The following RBFOX1 variants were observed in gnomAD, a reference collection of about 807,000 sequenced individuals.
RBFOX1 encodes RNA binding protein fox-1 homolog 1.
RBFOX1 carries 8 observed loss-of-function variants against 57.7 expected under a neutral mutation model. That is an observed-to-expected ratio of 0.14 (90% CI 0.08 to 0.25). The LOEUF is 0.25. Ranked by LOEUF, RBFOX1 falls within the 10% of genes least tolerant of loss-of-function variation. The probability of loss-of-function intolerance (pLI) is 1.00; values close to 1 mark genes in which losing one functional copy is unlikely to be tolerated. For synonymous variants in RBFOX1, 326 were observed against 222.4 expected, an observed-to-expected ratio of 1.47 and a Z score of -4.15; for missense variants, 611 against 548.5, an observed-to-expected ratio of 1.11 and a Z score of -1.14.
At position 6,019,503 on chromosome 16, in the gene RBFOX1, C is replaced by A; in HGVS notation, c.-616C>A. On this transcript the variant is annotated 5_prime_UTR_variant, in exon 1 of 16. Coordinates refer to ENST00000550418, the MANE Select transcript of RBFOX1 (RefSeq NM_018723.4). The surrounding 1 kb of genome is among the most constrained non-coding windows in gnomAD (Gnocchi z 4.2). ...CCCCTCCGCCCCAGCCCCCCAGCAG[C>A]ACCCGCGGTGGGGCGGGGGCGCTCT... is the stretch of plus-strand genomic sequence containing the variant. The A allele has an allele frequency of 9.7e-7, 1 of 1,029,656 alleles. No homozygotes were observed. Among genetic ancestry groups the A allele is most frequent in the Non-Finnish European group, 1.2e-6 (1 of 858,822 alleles). 63.8% of individuals were successfully genotyped at this position (1,029,656 alleles called of 1,614,324 possible).
At chr16:7,504,743 A>ATATATATT (rs1197181816) in intron 4 of RBFOX1, among the ~76,000 whole-genome samples, 3,529 of 14,676 alleles carry the variant, frequency 0.24, 277 homozygotes, top group Non-Finnish European at 0.35. Context: ...ATATATATAT[A>ATATATATT]TATATATATA....
At position 7,155,744 on chromosome 16, in the gene RBFOX1, C is replaced by T. The variant is rs1200218025; in HGVS notation, c.27+103646C>T. On this transcript the variant is annotated intron_variant, in intron 4 of 15. Coordinates refer to ENST00000550418, the MANE Select transcript of RBFOX1 (RefSeq NM_018723.4). ...ATATATATATATATATATATACACA[C>T]ACACACACACACACACACACATATA... 3.1e-3 allele frequency among the ~76,000 whole-genome samples: 402 copies of T among 131,352 alleles called. 2 individuals are homozygous for T. The highest frequency in any genetic ancestry group is 0.012 in the African/African-American group (384 of 32,428). 86.2% of individuals were successfully genotyped at this position (131,352 alleles called of 152,430 possible). A position where few individuals can be genotyped will look rare whatever the true frequency, so the allele number is the denominator to read the frequency against.
At chr16:5,355,404 G>A (rs1596634531) in intron 1 of RBFOX1, among the ~76,000 whole-genome samples, 1 of 152,182 alleles carries the variant, frequency 6.6e-6, no homozygotes, top group East Asian at 1.9e-4. Context: ...TCTGCATCGT[G>A]AAGCCTGAGG....
At chr16:6,633,944 G>A (rs1341692946) in intron 2 of RBFOX1, among the ~76,000 whole-genome samples, 1 of 152,104 alleles carries the variant, frequency 6.6e-6, no homozygotes, top group Non-Finnish European at 1.5e-5. Context: ...GAGGCCAGGG[G>A]GTGGAGGCTA....
intron 2 of RBFOX1, among the ~76,000 whole-genome samples, chr16:6,465,885 T>TGTGTGTGA (rs1491504035): frequency 4.1e-5 from 1 of 24,554 alleles, no homozygotes; most frequent in Non-Finnish European, 8.3e-5. Context: ...TTTGTGTGTT[T>TGTGTGTGA]GTGTGTGTGT....
At position 7,495,406 on chromosome 16, in the gene RBFOX1, A is replaced by G. The variant is rs534182906; in HGVS notation, c.28-22741A>G. 2.0e-5 allele frequency among the ~76,000 whole-genome samples: 3 copies of G among 152,316 alleles called. No homozygotes were observed. In the East Asian group the frequency reaches 5.8e-4, roughly 29 times the overall value. The stretch of plus-strand genomic sequence containing the variant: ...GAGAAATACTCAAACAGCTTTCCAC[A>G]GTGGCTGAACTAATTTTACACACCC... On this transcript the variant is annotated intron_variant, in intron 4 of 15. Transcript: ENST00000550418.
At chr16:7,671,815 C>T (rs1434858949) in intron 13 of RBFOX1, among the ~76,000 whole-genome samples, 1 of 152,214 alleles carries the variant, frequency 6.6e-6, no homozygotes, top group Non-Finnish European at 1.5e-5. Flanking sequence ...GTGGCAGTTT[C>T]TTCCAAATAT....
chr16:5,709,772 A>T (rs36184663), intron 3 of RBFOX1, among the ~76,000 whole-genome samples: 61,288 of 114,588 alleles, frequency 0.53, 19,533 homozygotes, highest in Non-Finnish European at 0.71. Context: ...CCCATTTATG[A>T]AGCCACTGTA....
chr16:7,076,785 G>A lies in RBFOX1; in HGVS notation c.27+24687G>A, dbSNP rs1010052381. On this transcript the variant is annotated intron_variant, in intron 4 of 15. Coordinates refer to ENST00000550418, the MANE Select transcript of RBFOX1 (RefSeq NM_018723.4). Reference sequence around the variant, plus strand: ...GACCAGTTTAAACTTCCATTCCAATGTCATGGTTTATATGCCCACTCATAT... The same window carrying A: ...GACCAGTTTAAACTTCCATTCCAATATCATGGTTTATATGCCCACTCATAT... Among the ~76,000 whole-genome samples, 14 of 152,152 alleles carry A rather than the reference G, an allele frequency of 9.2e-5. 1 individual carries two copies. Among genetic ancestry groups the A allele is most frequent in the African/African-American group, 3.4e-4 (14 of 41,438 alleles).
At chr16:5,804,904 G>C (rs1443914788) in intron 3 of RBFOX1, among the ~76,000 whole-genome samples, 1 of 152,176 alleles carries the variant, frequency 6.6e-6, no homozygotes, top group Non-Finnish European at 1.5e-5. Context: ...GACGGCTCTT[G>C]AGAAATGTTT....
At chr16:6,533,584 ATT>A (rs375084936) in intron 2 of RBFOX1, among the ~76,000 whole-genome samples, 2 of 149,050 alleles carry the variant, frequency 1.3e-5, no homozygotes, top group African/African-American at 5.0e-5. Flanking sequence ...GAGTCAAGTG[ATT>A]TTTTTTTTTT....
At chr16:7,002,502 A>C (rs1044206654) in intron 3 of RBFOX1, among the ~76,000 whole-genome samples, 7 of 152,172 alleles carry the variant, frequency 4.6e-5, no homozygotes, top group African/African-American at 1.7e-4. Context: ...TCATGAGGTC[A>C]GGAGTTGGAG....
intron 2 of RBFOX1, among the ~76,000 whole-genome samples, chr16:6,345,389 G>A (rs1395503891): frequency 1.3e-5 from 2 of 152,228 alleles, no homozygotes; most frequent in Non-Finnish European, 2.9e-5. Flanking sequence ...AGGGGCAGAT[G>A]ATACAGACAT....
At chr16:7,634,842 T>C (rs1052824961) in intron 11 of RBFOX1, among the ~76,000 whole-genome samples, 4 of 152,220 alleles carry the variant, frequency 2.6e-5, no homozygotes, top group African/African-American at 9.7e-5. Flanking sequence ...GGGCCTGCTT[T>C]CTATGAAACT....
chr16:7,138,808 A>G (rs2072779091), intron 4 of RBFOX1, among the ~76,000 whole-genome samples: 1 of 152,112 alleles, frequency 6.6e-6, no homozygotes, highest in Admixed American at 6.6e-5. Context: ...GCTGCTGGAT[A>G]AACTCAGACT....
intron 2 of RBFOX1, among the ~76,000 whole-genome samples, chr16:6,645,387 G>A (rs145047954): frequency 1.3e-3 from 199 of 152,196 alleles, no homozygotes; most frequent in African/African-American, 4.3e-3. Flanking sequence ...CGGGAGCTTC[G>A]TTGTCCGGTG....
chr16:6,327,697 G>A (rs2082536074), intron 2 of RBFOX1, among the ~76,000 whole-genome samples: 1 of 152,114 alleles, frequency 6.6e-6, no homozygotes, highest in Admixed American at 6.6e-5. Context: ...ACATGATAAT[G>A]TCCAAGAAAA....
chr16:5,293,031 A>C (rs993654436), intron 1 of RBFOX1, among the ~76,000 whole-genome samples: 1 of 151,718 alleles, frequency 6.6e-6, no homozygotes, highest in African/African-American at 2.4e-5. Flanking sequence ...CTTCAAATAG[A>C]ATTTGGAGGC....
chr16:6,583,795 C>T (rs765262369), intron 2 of RBFOX1, among the ~76,000 whole-genome samples: 8 of 152,056 alleles, frequency 5.3e-5, no homozygotes, highest in South Asian at 2.1e-4. Context: ...GTTGGTGTGA[C>T]GCCAAAATAA....
Sources: allele counts gnomAD v4.1 joint callset (sites outside exome capture counted in the v4.1 genomes callset), GRCh38; gene constraint gnomAD v4.1.1; non-coding constraint Gnocchi (gnomAD v3.1); transcripts MANE v1.5; gene names NCBI Gene and HGNC (gene_info 2026-07-23, HGNC 2026-07-21).